Variants in GMEB2 observed in about 807,000 individuals in gnomAD.
GMEB2 encodes glucocorticoid modulatory element-binding protein 2.
A neutral mutation model predicts 45.7 loss-of-function variants in GMEB2; 7 were observed. That is an observed-to-expected ratio of 0.15 (90% CI 0.09 to 0.29). The LOEUF (loss-of-function observed/expected upper bound fraction) is 0.29, where lower values mean the gene tolerates loss of function less well. Among genes scored for constraint, GMEB2 ranks in the 10% least tolerant of loss-of-function variants. The probability of loss-of-function intolerance (pLI) is 1.00; values close to 1 mark genes in which losing one functional copy is unlikely to be tolerated. For missense variants in GMEB2, 582 were observed against 739.2 expected (o/e 0.79, Z 2.47); for synonymous variants, 322 against 323.6 (o/e 1.00, Z 0.05).
At position 63,590,104 on chromosome 20, in the gene GMEB2, G is replaced by C; in HGVS notation, c.1578C>G (p.Asp526Glu). 2.0e-6 allele frequency: 3 copies of C among 1,513,526 alleles called. No homozygotes were observed. Among genetic ancestry groups the C allele is most frequent in the Non-Finnish European group, 2.7e-6 (3 of 1,130,756 alleles). The allele number at this position is 1,513,526 out of a possible 1,614,324, so 93.8% of individuals were successfully genotyped here. A position where few individuals can be genotyped will look rare whatever the true frequency, so the allele number is the denominator to read the frequency against. The change falls in exon 10 of 10, where the codon GAC becomes GAG. Residue 526 changes from aspartate (D) to glutamate (E), a missense_variant. Physicochemically the swap from Asp to Glu is conservative, Grantham distance 45. Coordinates refer to ENST00000370077, the MANE Select transcript of GMEB2 (RefSeq NM_012384.5). ...ATIEVAAMAE[D>E]HERK Reference sequence around the variant, plus strand: ...CTCCTGTCGGCTACTTCCGCTCGTGGTCCTCTGCCATGGCAGCCACCTCAA... The same window carrying C: ...CTCCTGTCGGCTACTTCCGCTCGTGCTCCTCTGCCATGGCAGCCACCTCAA...
intron 3 of GMEB2, 79 bp from the exon 4 acceptor site, chr20:63,603,171 C>A (rs1440826077): frequency 1.3e-6 from 2 of 1,485,850 alleles, no homozygotes; most frequent in Non-Finnish European, 9.2e-7. Context: ...CCTGAAAATG[C>A]AGAAAATAGC....
intron 2 of GMEB2, among the ~76,000 whole-genome samples, chr20:63,611,639 G>A (rs930075519): frequency 2.0e-5 from 3 of 151,780 alleles, no homozygotes; most frequent in East Asian, 3.9e-4. Flanking sequence ...AAACACATCT[G>A]ACTAGTGTGA....
intron 4 of GMEB2, among the ~76,000 whole-genome samples, chr20:63,598,921 G>A (rs554995027): frequency 5.6e-4 from 86 of 152,272 alleles, no homozygotes; most frequent in Non-Finnish European, 7.8e-4. Context: ...CCTACCTAGG[G>A]CTCTGGGCTC....
intron 2 of GMEB2, among the ~76,000 whole-genome samples, chr20:63,613,576 G>A (rs2089586376): frequency 6.7e-6 from 1 of 148,974 alleles, no homozygotes; most frequent in Non-Finnish European, 1.5e-5. Flanking sequence ...CTGGAGTGCA[G>A]TGGCACAATC....
At chr20:63,601,945 T>C (rs1045352584) in intron 4 of GMEB2, among the ~76,000 whole-genome samples, 4 of 150,372 alleles carry the variant, frequency 2.7e-5, no homozygotes, top group South Asian at 2.1e-4. Flanking sequence ...CTGTGGCTTC[T>C]GTGGGGCCTG....
chr20:63,626,775 C>T (rs1422541768), intron 1 of GMEB2, among the ~76,000 whole-genome samples, 181 bp downstream of exon 1: 1 of 146,390 alleles, frequency 6.8e-6, no homozygotes, highest in Non-Finnish European at 1.5e-5. Context: ...GCCCGCGCCG[C>T]CCGCCTGACG....
At chr20:63,601,852 T>TC (rs2083244039) in intron 4 of GMEB2, among the ~76,000 whole-genome samples, 1 of 20,096 alleles carries the variant, frequency 5.0e-5, no homozygotes, top group Admixed American at 4.1e-4. Flanking sequence ...GGCCTGTGGC[T>TC]TCCGTGGGGC....
chr20:63,609,038 CA>C (rs55700463), intron 2 of GMEB2, among the ~76,000 whole-genome samples: 25 of 44,400 alleles, frequency 5.6e-4, no homozygotes, highest in South Asian at 1.6e-3. Flanking sequence ...CCCTCTGACC[CA>C]CACCTCCATT....
intron 2 of GMEB2, among the ~76,000 whole-genome samples, chr20:63,611,338 C>G (rs1416287962): frequency 1.3e-5 from 2 of 152,322 alleles, no homozygotes; most frequent in African/African-American, 4.8e-5. Context: ...ACAGGCTGGG[C>G]GTGGTGGCTC....
intron 2 of GMEB2, among the ~76,000 whole-genome samples, chr20:63,611,778 G>A (rs1009886723): frequency 6.6e-6 from 1 of 152,060 alleles, no homozygotes; most frequent in Non-Finnish European, 1.5e-5. Context: ...AGTGCTTCGG[G>A]AGGCTGAGGT....
At chr20:63,611,537 G>A (rs2259216) in intron 2 of GMEB2, among the ~76,000 whole-genome samples, 12,678 of 151,596 alleles carry the variant, frequency 0.084, 698 homozygotes, top group African/African-American at 0.15. Context: ...ACTTGAACCC[G>A]GGAGGTGGAG....
At chr20:63,594,395 G>A (rs1044207760) in intron 6 of GMEB2, among the ~76,000 whole-genome samples, 1 of 152,234 alleles carries the variant, frequency 6.6e-6, no homozygotes, top group African/African-American at 2.4e-5. Context: ...GGACAGACAG[G>A]AGGCTGGGCT....
At chr20:63,594,979 C>T (rs1460432044) in intron 6 of GMEB2, among the ~76,000 whole-genome samples, 1 of 152,222 alleles carries the variant, frequency 6.6e-6, no homozygotes, top group African/African-American at 2.4e-5. Flanking sequence ...AAGTGATCCA[C>T]CCGCCTCGGC....
At position 63,590,493 on chromosome 20, in the gene GMEB2, G is replaced by A. The variant is rs1258569154; in HGVS notation, c.1189C>T (p.Pro397Ser). 3 of 1,503,048 alleles carry A rather than the reference G, an allele frequency of 2.0e-6. No homozygotes were observed. Among genetic ancestry groups the A allele is most frequent in the Non-Finnish European group, 2.7e-6 (3 of 1,119,848 alleles). The allele number at this position is 1,503,048 out of a possible 1,614,324, so 93.1% of individuals were successfully genotyped here. A position where few individuals can be genotyped will look rare whatever the true frequency, so the allele number is the denominator to read the frequency against. ...AGGGTGGACACCACTTTACCAAGGG[G>A]CACGCTGGTCAGCTGGGGGACGGGC... is the stretch of plus-strand genomic sequence containing the variant. ...GVPVPQLTSV[P>S]LGKVVSTLPS... The change falls in exon 10 of 10, where the codon CCC becomes TCC. Residue 397 changes from proline (P) to serine (S), a missense_variant. By Grantham distance (74) the Pro-to-Ser change is moderately conservative. Coordinates refer to ENST00000370077, the MANE Select transcript of GMEB2 (RefSeq NM_012384.5).
At position 63,588,879 on chromosome 20, in the gene GMEB2, T is replaced by C. The variant is rs1212139776; in HGVS notation, c.*1210A>G. ...GCCTGGAGGGGCCTCAGCCTGGTCT[T>C]CCTTGTGAGTCCAAGGCCAGGTCTC... On this transcript the variant is annotated 3_prime_UTR_variant, in exon 10 of 10. Transcript: ENST00000370077. 3 of 398,544 alleles carry C rather than the reference T, an allele frequency of 7.5e-6. No individual in the cohort carries two copies. The highest frequency in any genetic ancestry group is 4.4e-5 in the Admixed American group (1 of 22,714). 24.7% of individuals were successfully genotyped at this position (398,544 alleles called of 1,614,324 possible). A position where few individuals can be genotyped will look rare whatever the true frequency, so the allele number is the denominator to read the frequency against.
intron 5 of GMEB2, among the ~76,000 whole-genome samples, chr20:63,596,918 TGAGGAAGAGAATCGCTTGAACCCAG>T (rs2083204415): frequency 6.6e-6 from 1 of 151,332 alleles, no homozygotes; most frequent in Non-Finnish European, 1.5e-5. Context: ...CTGGGGAGGG[TGAGGAAGAGAATCGCTTGAACCCAG>T]GAGGCAGAGT....
chr20:63,619,406 G>A lies in GMEB2; in HGVS notation c.-9C>T, dbSNP rs780199850. ...ACGTCGGGAGTCGCCATGGCTCAGC[G>A]GAAGGGGACGCCCAGGCCAGCAGCG... On this transcript the variant is annotated 5_prime_UTR_variant, in exon 2 of 10. Coordinates refer to ENST00000370077, the MANE Select transcript of GMEB2 (RefSeq NM_012384.5). This position sits in a 1 kb window ranked among gnomAD's most constrained non-coding sequence, Gnocchi z 4.6. The A allele has an allele frequency of 5.6e-6, 9 of 1,608,330 alleles. No homozygotes were observed. The South Asian group carries it at 7.7e-5, about 14-fold the overall frequency.
chr20:63,624,615 G>C (rs2089658860), intron 1 of GMEB2, among the ~76,000 whole-genome samples: 1 of 152,148 alleles, frequency 6.6e-6, no homozygotes, highest in African/African-American at 2.4e-5. Context: ...CTGCAGGCAG[G>C]GGTCCTCGTC....
chr20:63,624,578 G>A (rs2089658485), intron 1 of GMEB2, among the ~76,000 whole-genome samples: 1 of 152,230 alleles, frequency 6.6e-6, no homozygotes, highest in Non-Finnish European at 1.5e-5. Flanking sequence ...CATTTAAGCA[G>A]AGAGCTGCAA....
Sources: allele counts gnomAD v4.1 joint callset (sites outside exome capture counted in the v4.1 genomes callset), GRCh38; gene constraint gnomAD v4.1.1; non-coding constraint Gnocchi (gnomAD v3.1); transcripts MANE v1.5; gene names NCBI Gene and HGNC (gene_info 2026-07-23, HGNC 2026-07-21).